Variants in HERC5 observed in about 807,000 individuals in gnomAD.
HERC5 encodes HECT and RLD domain containing E3 ubiquitin protein ligase 5, also known as E3 ISG15--protein ligase HERC5.
In HERC5, 99 loss-of-function variants were observed where a neutral mutation model predicts 119.6. That is an observed-to-expected ratio of 0.83 (90% confidence interval 0.70 to 0.98). HERC5 has a LOEUF of 0.98. Ranked by LOEUF, HERC5 falls within the 50% of genes least tolerant of loss-of-function variation. HERC5 has a pLI of 0.00. For missense variants in HERC5, 1,267 were observed against 1,241.3 expected (o/e 1.02, Z -0.31); for synonymous variants, 478 against 445.9 (o/e 1.07, Z -0.91).
intron 18 of HERC5, among the ~76,000 whole-genome samples, chr4:88,498,186 C>T (rs533166290): frequency 1.6e-4 from 24 of 152,258 alleles, no homozygotes; most frequent in Non-Finnish European, 2.9e-4. Context: ...GAGGCAACTG[C>T]AGAGAGCCCC....
At chr4:88,488,234 CT>C (rs1233602413) in intron 15 of HERC5, among the ~76,000 whole-genome samples, 271 of 136,578 alleles carry the variant, frequency 2.0e-3, no homozygotes, top group African/African-American at 2.3e-3. Context: ...CTTTTTTTTT[CT>C]TTTTTTTTTT....
chr4:88,481,986 A>G (rs1249396909), intron 13 of HERC5, among the ~76,000 whole-genome samples: 2 of 152,210 alleles, frequency 1.3e-5, no homozygotes, highest in Non-Finnish European at 2.9e-5. Flanking sequence ...GAATTTAGAA[A>G]TCTCAGTCTT....
At chr4:88,470,794 CAAAAGT>C in intron 10 of HERC5, 121 bp downstream of exon 10, 1 of 458,516 alleles carries the variant, frequency 2.2e-6, no homozygotes, top group Non-Finnish European at 3.9e-6. Flanking sequence ...TTTTTTTTAA[CAAAAGT>C]AAATATATGT....
intron 13 of HERC5, among the ~76,000 whole-genome samples, chr4:88,479,710 A>C (rs1203083278): frequency 6.6e-6 from 1 of 152,074 alleles, no homozygotes; most frequent in African/African-American, 2.4e-5. Context: ...AAAATAATAA[A>C]ATAAACATTA....
chr4:88,483,703 G>GT, intron 13 of HERC5, among the ~76,000 whole-genome samples: 2 of 151,222 alleles, frequency 1.3e-5, no homozygotes, highest in East Asian at 3.9e-4. Flanking sequence ...TAATTTTTGA[G>GT]TTTTTTGTAG....
At chr4:88,492,899 T>C in intron 16 of HERC5, 113 bp from the exon 17 acceptor site, 3 of 988,340 alleles carry the variant, frequency 3.0e-6, no homozygotes, top group Non-Finnish European at 4.5e-6. Context: ...CTCAGTGCCT[T>C]CCAAATACTT....
At chr4:88,479,794 G>A (rs1186815407) in intron 13 of HERC5, among the ~76,000 whole-genome samples, 8 of 152,120 alleles carry the variant, frequency 5.3e-5, no homozygotes, top group South Asian at 2.1e-4. Context: ...TGGGCCGGGC[G>A]CGTTGGCTCA....
intron 13 of HERC5, among the ~76,000 whole-genome samples, chr4:88,485,536 C>G (rs1178231014): frequency 6.6e-6 from 1 of 152,194 alleles, no homozygotes; most frequent in African/African-American, 2.4e-5. Flanking sequence ...AGAAGACCAC[C>G]TGAGAGTAAT....
chr4:88,503,992 A>G (rs978275394), intron 20 of HERC5, among the ~76,000 whole-genome samples: 14 of 151,932 alleles, frequency 9.2e-5, no homozygotes, highest in Non-Finnish European at 2.9e-5. Flanking sequence ...TCTTGAACCC[A>G]GGAGGTGGAG....
At position 88,457,486 on chromosome 4, in the gene HERC5, G is replaced by A; in HGVS notation, c.217G>A (p.Val73Ile). 7.6e-7 allele frequency: 1 copy of A among 1,320,524 alleles called. No individual in the cohort carries two copies. Among genetic ancestry groups the A allele is most frequent in the South Asian group, 2.2e-5 (1 of 45,864 alleles). 81.8% of individuals were successfully genotyped at this position (1,320,524 alleles called of 1,614,324 possible). The change falls in exon 1 of 23, where the codon GTC (valine) becomes ATC (isoleucine). Residue 73 changes from valine to isoleucine, a missense_variant. Around this residue, in one of 3 missense-constraint regions of HERC5, gnomAD observed 777 missense variants for 758.0 expected, o/e 1.03. Transcript: ENST00000264350. The part of the protein sequence containing the change: ...LAVLERGGAG[V>I]QVHQLLAGSG... ...GGTCTTGGAACGCGGCGGGGCGGGC[G>A]TCCAGGTTCACCAGCTGCTCGCCGG...
Position 88,494,232 on chromosome 4 carries a change from A to G in HERC5, c.2345A>G (p.Asn782Ser), listed in dbSNP as rs200442831. 5 of 1,613,454 alleles carry G rather than the reference A, an allele frequency of 3.1e-6. No individual in the cohort carries two copies. Among genetic ancestry groups the G allele is most frequent in the Non-Finnish European group, 3.4e-6 (4 of 1,179,580 alleles). ...VLCGLSLFNC[N>S]VANLPFPLAL... The stretch of plus-strand genomic sequence containing the variant: ...TGTGGACTTTCCCTGTTCAATTGCA[A>G]TGTTGCCAACCTTCCTTTCCCACTG... Residue 782 changes from asparagine to serine, a missense_variant, in exon 18 of 23, where the codon AAT (asparagine) becomes AGT (serine). Coordinates refer to ENST00000264350, the MANE Select transcript of HERC5 (RefSeq NM_016323.4).
intron 18 of HERC5, among the ~76,000 whole-genome samples, chr4:88,494,870 A>G (rs1578065572): frequency 6.6e-6 from 1 of 152,242 alleles, no homozygotes; most frequent in Admixed American, 6.5e-5. Context: ...TGCTCATAGA[A>G]TGCATATTAA....
At position 88,457,133 on chromosome 4, in the gene HERC5, C is replaced by A; in HGVS notation, c.-137C>A. 2.4e-6 allele frequency: 3 copies of A among 1,232,064 alleles called. No homozygotes were observed. Among genetic ancestry groups the A allele is most frequent in the East Asian group, 3.2e-5 (1 of 31,592 alleles). 76.3% of individuals were successfully genotyped at this position (1,232,064 alleles called of 1,614,324 possible). A position where few individuals can be genotyped will look rare whatever the true frequency, so the allele number is the denominator to read the frequency against. On this transcript the variant is annotated 5_prime_UTR_variant, in exon 1 of 23. Transcript: ENST00000264350. ...GGCAGGGGCTCAGTAGCTGAGGCTG[C>A]GGTTCCCCGACGCCACGCAGCTGCG...
chr4:88,458,401 T>C (rs941421250), intron 1 of HERC5, among the ~76,000 whole-genome samples: 11 of 152,232 alleles, frequency 7.2e-5, no homozygotes, highest in African/African-American at 2.6e-4. Flanking sequence ...TTTAAGGTTT[T>C]TTTTTTTAAG....
At chr4:88,489,424 T>G (rs1741563055) in intron 16 of HERC5, 88 bp downstream of exon 16, 15 of 1,223,312 alleles carry the variant, frequency 1.2e-5, no homozygotes, top group Non-Finnish European at 1.5e-5. Flanking sequence ...GAGAGGAAGT[T>G]ATCTTCCTTT....
Position 88,462,359 on chromosome 4 carries a change from A to G in HERC5, c.688+3A>G. On this transcript the variant is annotated splice_donor_region_variant and intron_variant, in intron 4 of 22. Coordinates refer to ENST00000264350, the MANE Select transcript of HERC5 (RefSeq NM_016323.4). ...ACTAGGCCTGGGCCACACTGAGAGT[A>G]TGGAACACATTCTCAGATTCCTATT... 1 of 1,602,346 alleles carries G rather than the reference A, an allele frequency of 6.2e-7. No homozygotes were observed. Among genetic ancestry groups the G allele is most frequent in the Non-Finnish European group, 8.6e-7 (1 of 1,169,248 alleles).
At chr4:88,474,623 T>C (rs949535709) in intron 11 of HERC5, among the ~76,000 whole-genome samples, 53 of 152,330 alleles carry the variant, frequency 3.5e-4, no homozygotes, top group African/African-American at 1.2e-3. Context: ...TTCGTACATT[T>C]ACAGATATCA....
chr4:88,460,211 A>T, intron 3 of HERC5, 40 bp downstream of exon 3: 1 of 1,018,076 alleles, frequency 9.8e-7, no homozygotes, highest in Non-Finnish European at 1.5e-6. Flanking sequence ...TAGAAGTAAT[A>T]CCTGTGTGTA....
At position 88,457,241 on chromosome 4, in the gene HERC5, C is replaced by T; in HGVS notation, c.-29C>T. On this transcript the variant is annotated 5_prime_UTR_variant, in exon 1 of 23. Transcript: ENST00000264350. ...GGGACCAGGCGTTCTCTCCTCTCGC[C>T]TCTGGGCCTGGGACCCCGCAAAGCG... 1.5e-6 allele frequency: 2 copies of T among 1,307,512 alleles called. No individual in the cohort carries two copies. The highest frequency in any genetic ancestry group is 1.9e-6 in the Non-Finnish European group (2 of 1,027,534). 81.0% of individuals were successfully genotyped at this position (1,307,512 alleles called of 1,614,324 possible).
Sources: gnomAD v4.1 joint callset for allele counts (sites outside exome capture counted in the v4.1 genomes callset) on GRCh38, gnomAD v4.1.1 for gene constraint, gnomAD v4.1.1 regional missense constraint, MANE v1.5 for transcripts, NCBI Gene and HGNC (gene_info 2026-07-23, HGNC 2026-07-21) for gene names.